The following IGF1R variants were observed in gnomAD, a reference collection of about 807,000 sequenced individuals.
The protein encoded by IGF1R is insulin like growth factor 1 receptor.
IGF1R carries 44 observed loss-of-function variants against 144.6 expected under a neutral mutation model. That is an observed-to-expected ratio of 0.30 (90% confidence interval 0.24 to 0.39). The LOEUF is 0.39. Ranked by LOEUF, IGF1R falls within the 10% of genes least tolerant of loss-of-function variation. IGF1R has a pLI of 1.00. For synonymous variants in IGF1R, 795 were observed against 722.8 expected (o/e 1.10, Z -1.60); for missense variants, 1,355 against 1,833.7 (o/e 0.74, Z 4.77).
At chr15:98,909,254 T>TTCTTTTC (rs1555459633) in intron 6 of IGF1R, among the ~76,000 whole-genome samples, 1 of 118,558 alleles carries the variant, frequency 8.4e-6, no homozygotes, top group African/African-American at 3.5e-5. Context: ...TTTTTTTCTT[T>TTCTTTTC]TTTTTTCTTT....
chr15:98,827,431 G>A (rs952308682), intron 2 of IGF1R, among the ~76,000 whole-genome samples: 8 of 152,168 alleles, frequency 5.3e-5, no homozygotes, highest in Admixed American at 2.6e-4. Flanking sequence ...GTGGTCATGG[G>A]AAAAGAGCCA....
chr15:98,837,352 C>T (rs1479277017), intron 2 of IGF1R, among the ~76,000 whole-genome samples: 1 of 152,194 alleles, frequency 6.6e-6, no homozygotes, highest in African/African-American at 2.4e-5. Context: ...AGTTCTCCTG[C>T]CTCAGCCTCC....
intron 5 of IGF1R, 53 bp downstream of exon 5, chr15:98,899,674 G>C: frequency 6.3e-7 from 1 of 1,582,732 alleles, no homozygotes; most frequent in Admixed American, 1.7e-5. Flanking sequence ...TAAGCAGCGT[G>C]CTTATGAAAC....
rs1172476649 is a variant in IGF1R at position 98,704,296 on chromosome 15, C to T, written c.95-3266C>T. Among the ~76,000 whole-genome samples, 1 of 152,028 alleles carries T rather than the reference C, an allele frequency of 6.6e-6. No individual in the cohort carries two copies. Among genetic ancestry groups the T allele is most frequent in the Non-Finnish European group, 1.5e-5 (1 of 68,016 alleles). ...GGGACAGTTGGGGGAATAGTTGAAG[C>T]TAAGGTGTTTAGGCAGAGCTCTGAG... On this transcript the variant is annotated intron_variant, in intron 1 of 20. Transcript: ENST00000650285. The surrounding 1 kb of genome is among the most constrained non-coding windows in gnomAD (Gnocchi z 4.9).
At chr15:98,820,741 C>G (rs533183639) in intron 2 of IGF1R, 25 of 152,290 alleles carry the variant, frequency 1.6e-4, no homozygotes, top group African/African-American at 5.5e-4. Flanking sequence ...AAGATTCAAA[C>G]CCAAATATTA....
At chr15:98,825,333 A>G (rs578239443) in intron 2 of IGF1R, among the ~76,000 whole-genome samples, 49 of 152,302 alleles carry the variant, frequency 3.2e-4, no homozygotes, top group African/African-American at 1.2e-3. Context: ...CTTTTATAAA[A>G]TGGTGTGATA....
chr15:98,729,258 A>T (rs2054440591), intron 2 of IGF1R, among the ~76,000 whole-genome samples: 1 of 152,134 alleles, frequency 6.6e-6, no homozygotes, highest in African/African-American at 2.4e-5. Context: ...ATGTACTCTG[A>T]TTCTTCAGGG....
intron 1 of IGF1R, among the ~76,000 whole-genome samples, chr15:98,661,354 C>G (rs1236777821): frequency 6.6e-6 from 1 of 152,174 alleles, no homozygotes; most frequent in African/African-American, 2.4e-5. Flanking sequence ...AGAAAGCTTA[C>G]TTGTCTAGGT....
At chr15:98,697,111 G>A (rs2053612872) in intron 1 of IGF1R, among the ~76,000 whole-genome samples, 1 of 152,188 alleles carries the variant, frequency 6.6e-6, no homozygotes, top group South Asian at 2.1e-4. Flanking sequence ...GATCATTGAA[G>A]GGAAGGCAGG....
At chr15:98,799,543 C>G (rs1189888875) in intron 2 of IGF1R, among the ~76,000 whole-genome samples, 1 of 152,212 alleles carries the variant, frequency 6.6e-6, no homozygotes, top group East Asian at 1.9e-4. Flanking sequence ...GATTTAATCA[C>G]AGACCATGTA....
chr15:98,911,188 G>A lies in IGF1R; in HGVS notation c.1463-127G>A, dbSNP rs183910916. The A allele has an allele frequency of 1.7e-3, 1,736 of 1,022,224 alleles. 21 individuals carry two copies. The highest frequency in any genetic ancestry group is 3.1e-4 in the Non-Finnish European group (205 of 665,978). The allele number at this position is 1,022,224 out of a possible 1,614,324, so 63.3% of individuals were successfully genotyped here. A position where few individuals can be genotyped will look rare whatever the true frequency, so the allele number is the denominator to read the frequency against. ...TAGTGGAAAACGAGAAAGCCACTGA[G>A]GAAGCCCAGAAGGGAACTTAGCATA... is the stretch of plus-strand genomic sequence containing the variant. On this transcript the variant is annotated intron_variant, in intron 6 of 20. Coordinates refer to ENST00000650285, the MANE Select transcript of IGF1R (RefSeq NM_000875.5).
Position 98,935,201 on chromosome 15 carries a change from T to G in IGF1R, c.3187-115T>G. On this transcript the variant is annotated intron_variant, in intron 16 of 20. Coordinates refer to ENST00000650285, the MANE Select transcript of IGF1R (RefSeq NM_000875.5). The surrounding 1 kb of genome is among the most constrained non-coding windows in gnomAD (Gnocchi z 4.2). The stretch of plus-strand genomic sequence containing the variant: ...GTTACCCCATTACCTCACTGCTACC[T>G]TCAGACCCCTGTGCTCAGACCAGGC... 1.0e-6 allele frequency: 1 copy of G among 969,536 alleles called. No homozygotes were observed. The allele number at this position is 969,536 out of a possible 1,614,324, so 60.1% of individuals were successfully genotyped here.
chr15:98,713,167 G>A (rs1238853995), intron 2 of IGF1R, among the ~76,000 whole-genome samples: 4 of 152,010 alleles, frequency 2.6e-5, no homozygotes, highest in African/African-American at 7.3e-5. Context: ...AGGATGTAAA[G>A]GCTCTGCAGA....
Position 98,705,541 on chromosome 15 carries a change from G to A in IGF1R, c.95-2021G>A, listed in dbSNP as rs183801256. On this transcript the variant is annotated intron_variant, in intron 1 of 20. Transcript: ENST00000650285. ...CTGCTATTCTTTTCTCTGTCTTAGG[G>A]GTGTCATTTTCTCTTTGGTAAAACA... 5.0e-3 allele frequency among the ~76,000 whole-genome samples: 755 copies of A among 152,172 alleles called. 8 individuals carry two copies. Among genetic ancestry groups the A allele is most frequent in the African/African-American group, 0.017 (709 of 41,502 alleles).
Position 98,707,468 on chromosome 15 carries a change from A to AGTT in IGF1R, c.95-93_95-92insTTG. ...AACCTCATTTCTTTAATAATAATACAGGATTCCTGAAAACCAACTGTATTA... is the reference window on the plus strand; with the variant it reads ...AACCTCATTTCTTTAATAATAATACAGTTGGATTCCTGAAAACCAACTGTATTA... On this transcript the variant is annotated intron_variant, in intron 1 of 20. Transcript: ENST00000650285. This position sits in a 1 kb window ranked among gnomAD's most constrained non-coding sequence, Gnocchi z 6.7. 8.1e-7 allele frequency: 1 copy of AGTT among 1,233,952 alleles called. No homozygotes were observed. Among genetic ancestry groups the AGTT allele is most frequent in the Non-Finnish European group, 1.2e-6 (1 of 858,844 alleles). The allele number at this position is 1,233,952 out of a possible 1,614,324, so 76.4% of individuals were successfully genotyped here. A position where few individuals can be genotyped will look rare whatever the true frequency, so the allele number is the denominator to read the frequency against.
At chr15:98,934,341 C>T (rs1017890199) in intron 15 of IGF1R, among the ~76,000 whole-genome samples, 12 of 152,076 alleles carry the variant, frequency 7.9e-5, no homozygotes, top group African/African-American at 2.4e-4. Context: ...GCCTTTTTCC[C>T]GACCCAGCAT....
chr15:98,784,559 C>G lies in IGF1R; in HGVS notation c.640+76452C>G, dbSNP rs72752813. The G allele has an allele frequency of 6.2e-3, 959 of 154,058 alleles. 6 individuals are homozygous for G. The highest frequency in any genetic ancestry group is 0.011 in the Non-Finnish European group (741 of 67,988). The allele number at this position is 154,058 out of a possible 1,614,324, so 9.5% of individuals were successfully genotyped here. On this transcript the variant is annotated intron_variant, in intron 2 of 20. Coordinates refer to ENST00000650285, the MANE Select transcript of IGF1R (RefSeq NM_000875.5). ...GTTAAGTCATACTTGACCATATGCC[C>G]TAGTTTAGCGTCCAGTTTGTGAACA...
intron 2 of IGF1R, among the ~76,000 whole-genome samples, chr15:98,830,589 A>G (rs1257720691): frequency 2.0e-5 from 3 of 150,588 alleles, no homozygotes; most frequent in Admixed American, 6.6e-5. Flanking sequence ...GCATGGTTCC[A>G]ACATCTGATC....
chr15:98,772,411 T>G (rs1360594910), intron 2 of IGF1R, among the ~76,000 whole-genome samples: 2 of 151,300 alleles, frequency 1.3e-5, no homozygotes, highest in East Asian at 3.9e-4. Context: ...CAAGCTGTTC[T>G]GAACCTAAGA....
Sources: allele counts gnomAD v4.1 joint callset (sites outside exome capture counted in the v4.1 genomes callset), GRCh38; gene constraint gnomAD v4.1.1; non-coding constraint Gnocchi (gnomAD v3.1); transcripts MANE v1.5; gene names NCBI Gene and HGNC (gene_info 2026-07-23, HGNC 2026-07-21).